Variants in DNAH11 observed in about 807,000 individuals in gnomAD.
The protein encoded by DNAH11 is dynein axonemal heavy chain 11.
DNAH11 carries 442 observed loss-of-function variants against 526.0 expected under a neutral mutation model. That is an observed-to-expected ratio of 0.84 (90% CI 0.78 to 0.91). The LOEUF (loss-of-function observed/expected upper bound fraction) is 0.91, where lower values mean the gene tolerates loss of function less well. DNAH11 is among the 40% of genes least tolerant of loss of function. DNAH11 has a pLI of 0.00. For missense variants in DNAH11, 6,989 were observed against 5,448.7 expected, an observed-to-expected ratio of 1.28 and a Z score of -8.90; for synonymous variants, 2,461 against 1,935.9, an observed-to-expected ratio of 1.27 and a Z score of -7.12.
At chr7:21,795,933 A>G (rs1788694871) in intron 61 of DNAH11, among the ~76,000 whole-genome samples, 2 of 152,102 alleles carry the variant, frequency 1.3e-5, no homozygotes, top group African/African-American at 4.8e-5. Flanking sequence ...CCCAGAAGAT[A>G]GGGAAAGGGC....
At chr7:21,821,044 G>T (rs1013256863) in intron 65 of DNAH11, among the ~76,000 whole-genome samples, 1 of 152,162 alleles carries the variant, frequency 6.6e-6, no homozygotes, top group African/African-American at 2.4e-5. Flanking sequence ...GGACAAATCA[G>T]TGTGATATCA....
chr7:21,551,100 A>C (rs1783005873), intron 2 of DNAH11, among the ~76,000 whole-genome samples: 3 of 152,154 alleles, frequency 2.0e-5, no homozygotes. Flanking sequence ...TGTATAATAT[A>C]GATATTAGTT....
chr7:21,772,726 A>G (rs535718411), intron 55 of DNAH11, among the ~76,000 whole-genome samples: 2 of 152,332 alleles, frequency 1.3e-5, no homozygotes, highest in Admixed American at 1.3e-4. Flanking sequence ...AATACGCAGC[A>G]CAATGCAATA....
chr7:21,885,824 T>C (rs1425904568), intron 76 of DNAH11, among the ~76,000 whole-genome samples: 1 of 152,198 alleles, frequency 6.6e-6, no homozygotes, highest in Non-Finnish European at 1.5e-5. Context: ...ATCACCCCTG[T>C]AGGTGGAGTT....
chr7:21,800,356 G>A (rs1479650056), intron 61 of DNAH11, among the ~76,000 whole-genome samples: 2 of 152,164 alleles, frequency 1.3e-5, no homozygotes, highest in Non-Finnish European at 2.9e-5. Context: ...TATGGGTCAG[G>A]CACAGTGGCT....
At chr7:21,733,314 G>A (rs748454286) in intron 45 of DNAH11, among the ~76,000 whole-genome samples, 2 of 152,196 alleles carry the variant, frequency 1.3e-5, no homozygotes, top group Non-Finnish European at 2.9e-5. Flanking sequence ...CTTGAACTCA[G>A]GAGGCAGAGT....
Position 21,690,820 on chromosome 7 carries a change from A to C in DNAH11, c.5980A>C (p.Thr1994Pro). ...TLKPSVGIFI[T>P]MNPGYAGRTE... is the part of the protein sequence containing the mutation. ...GAAGCCATCAGTTGGAATATTTATTACTATGAACCCGGGTTATGCTGGTCG... is the reference window on the plus strand; with the variant it reads ...GAAGCCATCAGTTGGAATATTTATTCCTATGAACCCGGGTTATGCTGGTCG... Residue 1994 changes from threonine to proline, a missense_variant, in exon 35 of 82, where the codon ACT (threonine) becomes CCT (proline). Physicochemically the swap from Thr to Pro is conservative, Grantham distance 38 (BLOSUM62 -1). Transcript: ENST00000409508. The C allele has an allele frequency of 6.2e-7, 1 of 1,612,878 alleles. No individual in the cohort carries two copies. The highest frequency in any genetic ancestry group is 8.5e-7 in the Non-Finnish European group (1 of 1,179,570).
intron 62 of DNAH11, among the ~76,000 whole-genome samples, chr7:21,803,030 A>C (rs1789065445): frequency 6.6e-6 from 1 of 151,768 alleles, no homozygotes; most frequent in African/African-American, 2.4e-5. Context: ...TATCTCAATA[A>C]AGCAGTTACT....
Position 21,606,425 on chromosome 7 carries a change from G to A in DNAH11, c.3649-1G>A. 1 of 1,606,212 alleles carries A rather than the reference G, an allele frequency of 6.2e-7. No homozygotes were observed. Among genetic ancestry groups the A allele is most frequent in the South Asian group, 1.1e-5 (1 of 88,160 alleles). On this transcript the variant is annotated splice_acceptor_variant, in intron 18 of 81. Transcript: ENST00000409508. LOFTEE classifies it high-confidence loss of function. ...TCGCATTTGTGCCTTTGCTTTTGCAGGAATTACCTGAAAGATGGGAAACTA... is the reference window on the plus strand; with the variant it reads ...TCGCATTTGTGCCTTTGCTTTTGCAAGAATTACCTGAAAGATGGGAAACTA...
intron 54 of DNAH11, among the ~76,000 whole-genome samples, chr7:21,757,354 T>C (rs1475116713): frequency 6.6e-6 from 1 of 152,210 alleles, no homozygotes; most frequent in Non-Finnish European, 1.5e-5. Context: ...GCCTGAGGTA[T>C]TTTAAATATT....
chr7:21,792,579 C>T (rs150497749), intron 61 of DNAH11, among the ~76,000 whole-genome samples: 28 of 152,230 alleles, frequency 1.8e-4, no homozygotes, highest in Middle Eastern at 3.4e-3. Context: ...TTACTCATTA[C>T]TGGTTTGTTC....
At chr7:21,560,842 A>G (rs1238760465) in intron 4 of DNAH11, among the ~76,000 whole-genome samples, 1 of 152,190 alleles carries the variant, frequency 6.6e-6, no homozygotes, top group Non-Finnish European at 1.5e-5. Context: ...ACTATCACAT[A>G]TAATAATATA....
chr7:21,619,483 T>G (rs942081255), intron 24 of DNAH11, among the ~76,000 whole-genome samples: 2 of 152,168 alleles, frequency 1.3e-5, no homozygotes, highest in Admixed American at 1.3e-4. Flanking sequence ...CCAACACCAC[T>G]CTGAGTGCTT....
intron 2 of DNAH11, among the ~76,000 whole-genome samples, chr7:21,549,543 G>T (rs1782940836): frequency 6.6e-6 from 1 of 152,048 alleles, no homozygotes; most frequent in Non-Finnish European, 1.5e-5. Context: ...GCCCTAGGGG[G>T]GTTTTTCCCT....
At chr7:21,804,906 G>C (rs775990280) in intron 62 of DNAH11, among the ~76,000 whole-genome samples, 1 of 152,112 alleles carries the variant, frequency 6.6e-6, no homozygotes, top group Non-Finnish European at 1.5e-5. Context: ...GACCTGCAAG[G>C]CCCTACATGA....
At chr7:21,673,086 A>G (rs1045758769) in intron 30 of DNAH11, among the ~76,000 whole-genome samples, 2 of 152,014 alleles carry the variant, frequency 1.3e-5, no homozygotes, top group African/African-American at 4.8e-5. Flanking sequence ...TCTTTTTGTT[A>G]GGAAGCATTT....
rs1784784153 is a variant in DNAH11, at chr7:21,900,951, C to CATTATCATTAGT, written c.13304-54_13304-43dup. On this transcript the variant is annotated intron_variant, in intron 81 of 81. Transcript: ENST00000409508. Reference sequence around the variant, plus strand: ...TATTGCATCAAACAACTTACTTGATCATTATCATTAGTAGCAAGCTGCCAC... The same window carrying CATTATCATTAGT: ...TATTGCATCAAACAACTTACTTGATCATTATCATTAGTATTATCATTAGTAGCAAGCTGCCAC... The CATTATCATTAGT allele has an allele frequency of 3.3e-6, 5 of 1,503,992 alleles. No individual in the cohort carries two copies. In the South Asian group the frequency reaches 7.2e-5, roughly 22 times the overall value. 93.2% of individuals were successfully genotyped at this position (1,503,992 alleles called of 1,614,324 possible). A position where few individuals can be genotyped will look rare whatever the true frequency, so the allele number is the denominator to read the frequency against.
intron 28 of DNAH11, among the ~76,000 whole-genome samples, chr7:21,642,025 G>A (rs186190099): frequency 3.7e-4 from 57 of 152,230 alleles, no homozygotes; most frequent in African/African-American, 1.3e-3. Context: ...ATTTCTTCTT[G>A]CCAGCTAAAG....
At chr7:21,809,206 A>G (rs1284789772) in intron 63 of DNAH11, among the ~76,000 whole-genome samples, 2 of 152,138 alleles carry the variant, frequency 1.3e-5, no homozygotes, top group Non-Finnish European at 2.9e-5. Flanking sequence ...TCTATTCAAG[A>G]ACTTTGTCCA....
Sources: gnomAD v4.1 joint callset for allele counts (sites outside exome capture counted in the v4.1 genomes callset) on GRCh38, gnomAD v4.1.1 for gene constraint, MANE v1.5 for transcripts, NCBI Gene and HGNC (gene_info 2026-07-23, HGNC 2026-07-21) for gene names.